LRIG2: variants seen among roughly 807,000 people sequenced by gnomAD.
LRIG2 encodes leucine rich repeats and immunoglobulin like domains 2.
In LRIG2, 93 loss-of-function variants were observed where a neutral mutation model predicts 107.8. The ratio of observed to expected loss-of-function variants is 0.86; its 90% CI spans 0.73 to 1.03. LRIG2 has a LOEUF of 1.03. LRIG2 is among the 50% of genes least tolerant of loss of function. The pLI, the probability that LRIG2 is intolerant of heterozygous loss-of-function variation, is 0.00. For synonymous variants in LRIG2, 471 were observed against 470.6 expected, an observed-to-expected ratio of 1.00 and a Z score of -0.01; for missense variants, 1,226 against 1,296.0, an observed-to-expected ratio of 0.95 and a Z score of 0.83.
At chr1:113,103,091 A>G (rs576335255) in intron 11 of LRIG2, 1 of 152,298 alleles carries the variant, frequency 6.6e-6, no homozygotes, top group Admixed American at 6.5e-5. Flanking sequence ...AAATTTAAAC[A>G]GTAGGTCAAA....
At chr1:113,088,745 A>G (rs1653663792) in intron 1 of LRIG2, among the ~76,000 whole-genome samples, 1 of 152,208 alleles carries the variant, frequency 6.6e-6, no homozygotes, top group Admixed American at 6.5e-5. Flanking sequence ...ACTTAAATTA[A>G]AACAGTTGAA....
rs1269853560 is a variant in LRIG2 at position 113,112,680 on chromosome 1, T to C, written c.2000T>C (p.Ile667Thr). Residue 667 changes from isoleucine to threonine, a missense_variant, in exon 14 of 18, where the codon ATA becomes ACA. This residue lies in a region of LRIG2 where 642 missense variants were observed against 712.2 expected (regional missense o/e 0.90). Transcript: ENST00000361127. Reference sequence around the variant, plus strand: ...GTCTTCTTTATTGCCAATGTGAAAATAGAAGATATGGGAATCTATAGCTGC... The same window carrying C: ...GTCTTCTTTATTGCCAATGTGAAAACAGAAGATATGGGAATCTATAGCTGC... The part of the protein sequence containing the change: ...DDVFFIANVK[I>T]EDMGIYSCMA... 4.3e-6 allele frequency: 7 copies of C among 1,614,002 alleles called. No individual in the cohort carries two copies. The highest frequency in any genetic ancestry group is 1.7e-5 in the Admixed American group (1 of 60,002).
chr1:113,122,956 G>A (rs1172999782), intron 17 of LRIG2, among the ~76,000 whole-genome samples: 1 of 152,148 alleles, frequency 6.6e-6, no homozygotes, highest in Non-Finnish European at 1.5e-5. Flanking sequence ...TGTACCCTAT[G>A]AAGTTAATAT....
chr1:113,117,547 G>A (rs956539462), intron 16 of LRIG2, among the ~76,000 whole-genome samples: 10 of 151,288 alleles, frequency 6.6e-5, no homozygotes, highest in African/African-American at 1.5e-4. Context: ...GCAGTGGCAC[G>A]ATCTCAGCTC....
In LRIG2 at chr1:113,083,654, ACT is replaced by A. The variant is rs570660823; in HGVS notation, c.240-7663_240-7662del. Among the ~76,000 whole-genome samples the A allele has an allele frequency of 1.3e-4, 19 of 151,662 alleles. No individual in the cohort carries two copies. In the East Asian group the frequency reaches 3.5e-3, roughly 28 times the overall value. The stretch of plus-strand genomic sequence containing the variant: ...AGCCACTGTGCCCGGCCAGCTGCAC[ACT>A]TTTAAGCCACCAGATCTCATGTGAA... On this transcript the variant is annotated intron_variant, in intron 1 of 17. Coordinates refer to ENST00000361127, the MANE Select transcript of LRIG2 (RefSeq NM_014813.3).
intron 12 of LRIG2, among the ~76,000 whole-genome samples, chr1:113,109,766 A>G (rs1208342031): frequency 6.6e-6 from 1 of 152,028 alleles, no homozygotes. Flanking sequence ...TGATCCACCC[A>G]CTTCGACCTC....
At chr1:113,107,489 T>C in intron 11 of LRIG2, 105 bp from the exon 12 acceptor site, 1 of 1,059,676 alleles carries the variant, frequency 9.4e-7, no homozygotes, top group Non-Finnish European at 1.3e-6. Context: ...ATGTTAAATG[T>C]TTTTGGCAAG....
In LRIG2 at chr1:113,096,366, G is replaced by T; in HGVS notation, c.1091+1G>T. On this transcript the variant is annotated splice_donor_variant, in intron 8 of 17. Coordinates refer to ENST00000361127, the MANE Select transcript of LRIG2 (RefSeq NM_014813.3). LOFTEE classifies it high-confidence loss of function. ...GATTTCTTTCCAATCTTCAGACATT[G>T]TAAGTATATCCATTCTCCTTTTTGG... The T allele has an allele frequency of 1.2e-6, 2 of 1,612,268 alleles. No homozygotes were observed. Among genetic ancestry groups the T allele is most frequent in the African/African-American group, 1.3e-5 (1 of 75,004 alleles).
In LRIG2 at chr1:113,112,288, A is replaced by G. The variant is rs61817897; in HGVS notation, c.1799-191A>G. Among the ~76,000 whole-genome samples, 763 of 152,210 alleles carry G rather than the reference A, an allele frequency of 5.0e-3. 2 individuals are homozygous for G. The highest frequency in any genetic ancestry group is 8.0e-3 in the Non-Finnish European group (542 of 68,020). On this transcript the variant is annotated intron_variant, in intron 13 of 17. Coordinates refer to ENST00000361127, the MANE Select transcript of LRIG2 (RefSeq NM_014813.3). ...CGCCTGGACAGCAGAGCAAGACCCT[A>G]TCTCTAAAGTTTGTTTTTGTTTTTT...
At position 113,113,344 on chromosome 1, in the gene LRIG2, G is replaced by T. The variant is rs571743264; in HGVS notation, c.2080+584G>T. 2.0e-3 allele frequency among the ~76,000 whole-genome samples: 304 copies of T among 149,418 alleles called. 1 individual carries two copies. Among genetic ancestry groups the T allele is most frequent in the Middle Eastern group, 3.5e-3 (1 of 288 alleles). ...TCCCCTGCTGGCCTGGGTTTTTTTTGTTGTTGTTGTTTGTTTGTTTTGTTT... is the reference window on the plus strand; with the variant it reads ...TCCCCTGCTGGCCTGGGTTTTTTTTTTTGTTGTTGTTTGTTTGTTTTGTTT... On this transcript the variant is annotated intron_variant, in intron 14 of 17. Transcript: ENST00000361127.
chr1:113,088,609 A>G (rs1482019648), intron 1 of LRIG2, among the ~76,000 whole-genome samples: 1 of 152,200 alleles, frequency 6.6e-6, no homozygotes, highest in Non-Finnish European at 1.5e-5. Flanking sequence ...CTGGAAGGGG[A>G]AAACTGCTAA....
chr1:113,089,433 A>G (rs1320152204), intron 1 of LRIG2, among the ~76,000 whole-genome samples: 1 of 152,300 alleles, frequency 6.6e-6, no homozygotes, highest in East Asian at 1.9e-4. Context: ...CAAATTTATA[A>G]CTTTTATTAG....
intron 8 of LRIG2, among the ~76,000 whole-genome samples, chr1:113,097,326 G>C (rs2101039745): frequency 6.6e-6 from 1 of 152,192 alleles, no homozygotes; most frequent in South Asian, 2.1e-4. Flanking sequence ...TTCCTGAATA[G>C]AGGACTTTGT....
intron 1 of LRIG2, among the ~76,000 whole-genome samples, chr1:113,079,364 GAA>G (rs916242114): frequency 5.2e-5 from 7 of 134,126 alleles, no homozygotes; most frequent in African/African-American, 1.6e-4. Flanking sequence ...AAAAAAAAAA[GAA>G]GAGAAAGAAA....
chr1:113,100,300 A>G lies in LRIG2; in HGVS notation c.1244+18A>G, dbSNP rs1446557741. 7 of 1,571,750 alleles carry G rather than the reference A, an allele frequency of 4.5e-6. No homozygotes were observed. Among genetic ancestry groups the G allele is most frequent in the East Asian group, 2.3e-5 (1 of 44,174 alleles). On this transcript the variant is annotated intron_variant, in intron 10 of 17. Transcript: ENST00000361127. The stretch of plus-strand genomic sequence containing the variant: ...GAGCATCTGTAAGTATTTTGCATAC[A>G]TTTTGCTTACTCTATAAATAATCTT...
At chr1:113,080,842 T>TGTTG (rs1484231510) in intron 1 of LRIG2, among the ~76,000 whole-genome samples, 3 of 145,422 alleles carry the variant, frequency 2.1e-5, no homozygotes, top group African/African-American at 5.2e-5. Context: ...AAAAGTTTTT[T>TGTTG]TTTTTTTTTT....
intron 12 of LRIG2, among the ~76,000 whole-genome samples, chr1:113,108,098 C>G (rs946156451): frequency 3.3e-5 from 5 of 151,778 alleles, no homozygotes; most frequent in Non-Finnish European, 7.4e-5. Flanking sequence ...TATACTGATT[C>G]TGTGTGTTTC....
intron 1 of LRIG2, among the ~76,000 whole-genome samples, chr1:113,078,751 C>T (rs1653111119): frequency 1.3e-5 from 2 of 151,740 alleles, no homozygotes; most frequent in African/African-American, 4.8e-5. Context: ...AACGCTTCTC[C>T]TGCCTCAGCC....
At chr1:113,086,000 G>GTTTTTTTTTTTTTTTTTTTTTTTT (rs34131524) in intron 1 of LRIG2, among the ~76,000 whole-genome samples, 4 of 65,002 alleles carry the variant, frequency 6.2e-5, no homozygotes, top group Non-Finnish European at 1.1e-4. Context: ...TAACCCTGAG[G>GTTTTTTTTTTTTTTTTTTTTTTTT]TTTTTTTTTT....
Sources: gnomAD v4.1 joint callset for allele counts (sites outside exome capture counted in the v4.1 genomes callset) on GRCh38, gnomAD v4.1.1 for gene constraint, gnomAD v4.1.1 regional missense constraint, MANE v1.5 for transcripts, NCBI Gene and HGNC (gene_info 2026-07-23, HGNC 2026-07-21) for gene names.